The following RASGRP4 variants were observed in gnomAD, a reference collection of about 807,000 sequenced individuals.
The protein encoded by RASGRP4 is RAS guanyl-releasing protein 4.
Under a neutral mutation model 84.4 loss-of-function variants are expected in RASGRP4, and 52 were observed. The observed-to-expected ratio is 0.62, with a 90% CI of 0.49 to 0.78. RASGRP4 has a LOEUF of 0.78. Among genes scored for constraint, RASGRP4 ranks in the 30% least tolerant of loss-of-function variants. RASGRP4 has a pLI of 0.00. For synonymous variants in RASGRP4, 356 were observed against 359.1 expected (o/e 0.99, Z 0.10); for missense variants, 760 against 886.9 (o/e 0.86, Z 1.82).
In RASGRP4 at chr19:38,420,017, G is replaced by C; in HGVS notation, c.510-4C>G. The stretch of plus-strand genomic sequence containing the variant: ...GCCAGGGCCACCAGGGCTCAGGCTG[G>C]GGGCCAAGAGGGGCAGGGTATTGGA... On this transcript the variant is annotated splice_polypyrimidine_tract_variant and splice_region_variant and intron_variant, in intron 5 of 16. Coordinates refer to ENST00000615439, the MANE Select transcript of RASGRP4 (RefSeq NM_170604.3). The C allele has an allele frequency of 6.2e-7, 1 of 1,613,490 alleles. No individual in the cohort carries two copies. The highest frequency in any genetic ancestry group is 8.5e-7 in the Non-Finnish European group (1 of 1,179,450).
intron 16 of RASGRP4, among the ~76,000 whole-genome samples, chr19:38,410,414 C>CTTTTTTTTTTT (rs1001083743): frequency 1.5e-5 from 2 of 136,052 alleles, no homozygotes; most frequent in African/African-American, 5.6e-5. Context: ...TTCTATTTTT[C>CTTTTTTTTTTT]TTTTTTTTTT....
chr19:38,418,249 GC>G lies in RASGRP4; in HGVS notation c.837+141del. ...AGAAGTTACGGTCCTTGGTTGGAAT[GC>G]CCAGGCTGTGGCCTCGGGGGCGGGG... On this transcript the variant is annotated intron_variant, in intron 7 of 16. Transcript: ENST00000615439. The surrounding 1 kb of genome is among the most constrained non-coding windows in gnomAD (Gnocchi z 4.6). 3.6e-6 allele frequency: 3 copies of G among 839,974 alleles called. No individual in the cohort carries two copies. The South Asian group carries it at 5.0e-5, about 14-fold the overall frequency. The allele number at this position is 839,974 out of a possible 1,614,324, so 52.0% of individuals were successfully genotyped here.
Position 38,416,463 on chromosome 19 carries a change from CAAAAAAA to C in RASGRP4, c.954+582_954+588del, listed in dbSNP as rs765219678. ...GGGCGACAAGAGCGAGACTCTGTCT[CAAAAAAA>C]AAAAAAAAAAAAAAAAAAAATTTCT... On this transcript the variant is annotated intron_variant, in intron 8 of 16. Transcript: ENST00000615439. Among the ~76,000 whole-genome samples, 9 of 58,656 alleles carry C rather than the reference CAAAAAAA, an allele frequency of 1.5e-4. No homozygotes were observed. The East Asian group carries it at 1.6e-3, about 11-fold the overall frequency. 38.5% of individuals were successfully genotyped at this position (58,656 alleles called of 152,430 possible).
intron 2 of RASGRP4, among the ~76,000 whole-genome samples, 184 bp downstream of exon 2, chr19:38,421,785 T>A (rs1037158347): frequency 8.0e-5 from 12 of 149,516 alleles, no homozygotes; most frequent in African/African-American, 2.2e-4. Context: ...TATATATATA[T>A]AAATGTATAT....
chr19:38,420,257 C>G lies in RASGRP4; in HGVS notation c.383G>C (p.Trp128Ser), dbSNP rs1407784119. ...CATCACCTCAGGGTGTCGCATCAGC[C>G]AGTACCTGAGAGTGGTTTGGAGATG... ...RLQICHLVRY[W>S]LMRHPEVMHQ... The change falls in exon 5 of 17, where the codon TGG (tryptophan) becomes TCG (serine). Residue 128 changes from tryptophan (W) to serine (S), a missense_variant. Transcript: ENST00000615439. 6.2e-7 allele frequency: 1 copy of G among 1,613,116 alleles called. No individual in the cohort carries two copies. The highest frequency in any genetic ancestry group is 8.5e-7 in the Non-Finnish European group (1 of 1,179,528).
rs1971589231 is a variant in RASGRP4 at position 38,418,307 on chromosome 19, A to G, written c.837+84T>C. ...GATGCGTGACGTCACCGCCGGGATG[A>G]CCCTGTGGGGTCGAGGGTCTGGAAG... is the stretch of plus-strand genomic sequence containing the variant. On this transcript the variant is annotated intron_variant, in intron 7 of 16. Transcript: ENST00000615439. The surrounding 1 kb of genome is among the most constrained non-coding windows in gnomAD (Gnocchi z 4.6). The G allele has an allele frequency of 2.8e-5, 39 of 1,412,852 alleles. No individual in the cohort carries two copies. The highest frequency in any genetic ancestry group is 3.7e-5 in the Non-Finnish European group (38 of 1,028,502). 87.5% of individuals were successfully genotyped at this position (1,412,852 alleles called of 1,614,324 possible).
rs768991158 is a variant in RASGRP4, at chr19:38,413,218, C to A, written c.1391G>T (p.Gly464Val). The A allele has an allele frequency of 6.2e-7, 1 of 1,613,684 alleles. No individual in the cohort carries two copies. The highest frequency in any genetic ancestry group is 2.2e-5 in the East Asian group (1 of 44,882). Residue 464 changes from glycine (G) to valine (V), a missense_variant, in exon 11 of 17, where the codon GGT (glycine) becomes GTT (valine). Coordinates refer to ENST00000615439, the MANE Select transcript of RASGRP4 (RefSeq NM_170604.3). This position sits in a 1 kb window ranked among gnomAD's most constrained non-coding sequence, Gnocchi z 4.7. ...VTPKPDRVTL[G>V]RHVEQLVESV... ...CTCCACCAGCTGCTCCACATGCCGA[C>A]CCAGTGTGACCCTGTCCGGCTTGGG...
chr19:38,420,862 A>G, intron 4 of RASGRP4, 46 bp downstream of exon 4: 1 of 1,569,994 alleles, frequency 6.4e-7, no homozygotes, highest in Non-Finnish European at 8.8e-7. Context: ...GGGAAGCAGG[A>G]TGGAAGTCGT....
chr19:38,410,073 T>A lies in RASGRP4; in HGVS notation c.1989A>T (p.Pro663=), dbSNP rs1971159780. ...TDTVPCPVMD[P]PSTASSKLDS The stretch of plus-strand genomic sequence containing the variant: ...CCAGCTTGGAGGATGCAGTTGATGG[T>A]GGGTCCATCACCGGGCAGGGGACCT... Residue 663 remains proline (P), a synonymous_variant, in exon 17 of 17, where the codon CCA becomes CCT. Transcript: ENST00000615439. 6.2e-7 allele frequency: 1 copy of A among 1,611,892 alleles called. No homozygotes were observed. Among genetic ancestry groups the A allele is most frequent in the Admixed American group, 1.7e-5 (1 of 59,796 alleles).
intron 9 of RASGRP4, 109 bp downstream of exon 9, chr19:38,414,739 C>T: frequency 1.7e-6 from 2 of 1,176,334 alleles, no homozygotes; most frequent in South Asian, 1.6e-5. Flanking sequence ...CTTCAAAACC[C>T]ATGCACTCCA....
At position 38,412,355 on chromosome 19, in the gene RASGRP4, C is replaced by A. The variant is rs746233840; in HGVS notation, c.1680+317G>T. 72 of 327,538 alleles carry A rather than the reference C, an allele frequency of 2.2e-4. 1 individual carries two copies. The highest frequency in any genetic ancestry group is 3.8e-4 in the Non-Finnish European group (66 of 175,102). The allele number at this position is 327,538 out of a possible 1,614,324, so 20.3% of individuals were successfully genotyped here. A position where few individuals can be genotyped will look rare whatever the true frequency, so the allele number is the denominator to read the frequency against. On this transcript the variant is annotated intron_variant, in intron 13 of 16. Coordinates refer to ENST00000615439, the MANE Select transcript of RASGRP4 (RefSeq NM_170604.3). The surrounding 1 kb of genome is among the most constrained non-coding windows in gnomAD (Gnocchi z 4.6). ...TAGGCTGGTCTTGAACTCTTGAGCTCAAGCAATCCGCCCACCTCAGCCTCC... is the reference window on the plus strand; with the variant it reads ...TAGGCTGGTCTTGAACTCTTGAGCTAAAGCAATCCGCCCACCTCAGCCTCC...
Position 38,412,422 on chromosome 19 carries a change from T to C in RASGRP4, c.1680+250A>G. On this transcript the variant is annotated intron_variant, in intron 13 of 16. Coordinates refer to ENST00000615439, the MANE Select transcript of RASGRP4 (RefSeq NM_170604.3). This position sits in a 1 kb window ranked among gnomAD's most constrained non-coding sequence, Gnocchi z 4.6. ...CAGGCGTGAGCCACCACTCCTGGCC[T>C]CCTATCTAGAGTTTTAGGTATTATC... 2.1e-6 allele frequency: 1 copy of C among 487,026 alleles called. No individual in the cohort carries two copies. The highest frequency in any genetic ancestry group is 3.8e-5 in the East Asian group (1 of 26,656). The allele number at this position is 487,026 out of a possible 1,614,324, so 30.2% of individuals were successfully genotyped here. A position where few individuals can be genotyped will look rare whatever the true frequency, so the allele number is the denominator to read the frequency against.
chr19:38,425,110 G>A lies in RASGRP4; in HGVS notation c.23+959C>T, dbSNP rs907631273. On this transcript the variant is annotated intron_variant, in intron 1 of 16. Coordinates refer to ENST00000615439, the MANE Select transcript of RASGRP4 (RefSeq NM_170604.3). The stretch of plus-strand genomic sequence containing the variant: ...TGAGGCAGGATGATCGCTTGAACCC[G>A]GGAGGCAGAGGTTGCAGTGAGCCAA... Among the ~76,000 whole-genome samples the A allele has an allele frequency of 2.0e-5, 3 of 151,814 alleles. No homozygotes were observed. In the East Asian group the frequency reaches 5.8e-4, roughly 29 times the overall value.
At chr19:38,421,027 C>G in intron 3 of RASGRP4, 57 bp from the exon 4 acceptor site, 1 of 1,606,880 alleles carries the variant, frequency 6.2e-7, no homozygotes, top group Non-Finnish European at 8.5e-7. Context: ...GCTCCCCATT[C>G]CCATTGCCCA....
At chr19:38,419,450 C>T (rs994414926) in intron 6 of RASGRP4, among the ~76,000 whole-genome samples, 38 of 152,022 alleles carry the variant, frequency 2.5e-4, no homozygotes, top group African/African-American at 2.2e-4. Context: ...TGTTGTTTTT[C>T]GAGACAGAAT....
At chr19:38,423,334 G>A (rs764132069) in intron 1 of RASGRP4, among the ~76,000 whole-genome samples, 3 of 151,964 alleles carry the variant, frequency 2.0e-5, no homozygotes, top group African/African-American at 7.3e-5. Flanking sequence ...AGACCACCCC[G>A]GCCAACATGG....
Position 38,412,879 on chromosome 19 carries a change from G to C in RASGRP4, c.1535+52C>G. On this transcript the variant is annotated intron_variant, in intron 12 of 16. Coordinates refer to ENST00000615439, the MANE Select transcript of RASGRP4 (RefSeq NM_170604.3). The surrounding 1 kb of genome is among the most constrained non-coding windows in gnomAD (Gnocchi z 4.6). The stretch of plus-strand genomic sequence containing the variant: ...AACGTCCTCCAGACCCAGGAGTCCA[G>C]GCAACCCCAGTGTCCTCATCTTCGG... The C allele has an allele frequency of 2.5e-6, 4 of 1,613,090 alleles. No homozygotes were observed. Among genetic ancestry groups the C allele is most frequent in the Non-Finnish European group, 3.4e-6 (4 of 1,179,266 alleles).
chr19:38,410,127 C>G (rs1237266565), intron 16 of RASGRP4, 31 bp from the exon 17 acceptor site: 5 of 1,584,038 alleles, frequency 3.2e-6, no homozygotes, highest in Non-Finnish European at 4.3e-6. Flanking sequence ...AGAAAGATGA[C>G]AGATGATGTG....
In RASGRP4 at chr19:38,417,131, G is replaced by A. The variant is rs987986399; in HGVS notation, c.875C>T (p.Ala292Val). Residue 292 changes from alanine to valine, a missense_variant, in exon 8 of 17, where the codon GCA (alanine) becomes GTA (valine). By Grantham distance (64) the Ala-to-Val change is moderately conservative. Transcript: ENST00000615439. This position sits in a 1 kb window ranked among gnomAD's most constrained non-coding sequence, Gnocchi z 5.1. ...HQLQNFNTLM[A>V]VTGGLCHSAI... ...ACTGTGACACAGGCCCCCTGTGACT[G>A]CCATCAGCGTGTTGAAATTCTGCAG... 6.4e-7 allele frequency: 1 copy of A among 1,563,364 alleles called. No individual in the cohort carries two copies. The highest frequency in any genetic ancestry group is 1.4e-5 in the African/African-American group (1 of 73,632).
Sources: allele counts gnomAD v4.1 joint callset (sites outside exome capture counted in the v4.1 genomes callset), GRCh38; gene constraint gnomAD v4.1.1; non-coding constraint Gnocchi (gnomAD v3.1); transcripts MANE v1.5; gene names NCBI Gene and HGNC (gene_info 2026-07-23, HGNC 2026-07-21).